C8orf34: variants seen among roughly 807,000 people sequenced by gnomAD.
C8orf34 encodes chromosome 8 open reading frame 34, also known as uncharacterized protein C8orf34.
A neutral mutation model predicts 68.3 loss-of-function variants in C8orf34; 65 were observed. That is an observed-to-expected ratio of 0.95 (90% CI 0.78 to 1.17). The LOEUF is 1.17. C8orf34 is among the 50% of genes most tolerant of loss of function. The pLI, the probability that C8orf34 is intolerant of heterozygous loss-of-function variation, is 0.00. For synonymous variants in C8orf34, 244 were observed against 241.2 expected, an observed-to-expected ratio of 1.01 and a Z score of -0.11; for missense variants, 664 against 655.4, an observed-to-expected ratio of 1.01 and a Z score of -0.14.
chr8:68,406,515 G>A (rs541795283), intron 1 of C8orf34, among the ~76,000 whole-genome samples: 2 of 151,962 alleles, frequency 1.3e-5, no homozygotes, highest in South Asian at 4.2e-4. Context: ...TATTGAGAGA[G>A]AGAGAGAGTC....
chr8:68,487,070 A>C (rs945752673), intron 4 of C8orf34, among the ~76,000 whole-genome samples: 1 of 152,208 alleles, frequency 6.6e-6, no homozygotes, highest in Non-Finnish European at 1.5e-5. Flanking sequence ...TTAGTCTGAC[A>C]AGTTGATAAT....
chr8:68,631,841 A>C (rs1452558266), intron 7 of C8orf34, among the ~76,000 whole-genome samples: 1 of 152,094 alleles, frequency 6.6e-6, no homozygotes, highest in Non-Finnish European at 1.5e-5. Context: ...ACCATCTGCC[A>C]TGATTGTAAG....
At chr8:68,360,177 T>C (rs1806923647) in intron 1 of C8orf34, among the ~76,000 whole-genome samples, 1 of 152,230 alleles carries the variant, frequency 6.6e-6, no homozygotes, top group Non-Finnish European at 1.5e-5. Context: ...ATCCTTCTAA[T>C]GAGTTCTGTG....
chr8:68,399,032 T>C (rs986526818), intron 1 of C8orf34, among the ~76,000 whole-genome samples: 6 of 152,144 alleles, frequency 3.9e-5, no homozygotes, highest in Admixed American at 1.3e-4. Flanking sequence ...CTTCATTTTG[T>C]ACTGAACCCA....
In C8orf34 at chr8:68,721,368, G is replaced by T. The variant is rs750302112; in HGVS notation, c.1335G>T (p.Leu445Phe). The T allele has an allele frequency of 4.4e-6, 7 of 1,604,058 alleles. No homozygotes were observed. The highest frequency in any genetic ancestry group is 6.0e-6 in the Non-Finnish European group (7 of 1,172,800). ...DEKIPDSFDS[L>F]PGTEEALMEE... ...TTTTAAAAATAAAAATAGATTCCTT[G>T]CCTGGGACTGAAGAAGCACTAATGG... is the stretch of plus-strand genomic sequence containing the variant. Residue 445 changes from leucine to phenylalanine, a missense_variant, in exon 10 of 14, where the codon TTG (leucine) becomes TTT (phenylalanine). Physicochemically the swap from Leu to Phe is conservative, Grantham distance 22. Coordinates refer to ENST00000518698, the MANE Select transcript of C8orf34 (RefSeq NM_052958.4).
intron 8 of C8orf34, among the ~76,000 whole-genome samples, chr8:68,646,829 G>GTA (rs928330251): frequency 3.3e-5 from 5 of 152,078 alleles, no homozygotes; most frequent in African/African-American, 9.7e-5. Flanking sequence ...ATTCCATTGT[G>GTA]TATATATATA....
chr8:68,504,152 A>T (rs543486309), intron 5 of C8orf34, among the ~76,000 whole-genome samples: 2 of 152,262 alleles, frequency 1.3e-5, no homozygotes, highest in South Asian at 4.1e-4. Context: ...AAATTTTTCT[A>T]TTCTGGAAAT....
intron 8 of C8orf34, among the ~76,000 whole-genome samples, chr8:68,651,109 GA>G (rs1819345274): frequency 6.6e-6 from 1 of 152,074 alleles, no homozygotes; most frequent in African/African-American, 2.4e-5. Flanking sequence ...CTTGATTATC[GA>G]GAGGCGGATT....
At chr8:68,658,387 G>C (rs1819572289) in intron 8 of C8orf34, among the ~76,000 whole-genome samples, 1 of 152,010 alleles carries the variant, frequency 6.6e-6, no homozygotes, top group Non-Finnish European at 1.5e-5. Context: ...ATTGTTGCTG[G>C]TGGATTCCCA....
intron 7 of C8orf34, among the ~76,000 whole-genome samples, chr8:68,575,446 A>C (rs1040239341): frequency 6.6e-6 from 1 of 152,128 alleles, no homozygotes; most frequent in African/African-American, 2.4e-5. Context: ...TATTTGTGTT[A>C]CATTACTGCC....
intron 7 of C8orf34, among the ~76,000 whole-genome samples, chr8:68,578,425 G>A (rs1057413304): frequency 4.6e-5 from 7 of 151,910 alleles, no homozygotes; most frequent in African/African-American, 1.7e-4. Context: ...TACTACAAAT[G>A]TGTTCCTCTG....
At chr8:68,606,085 C>A (rs981955218) in intron 7 of C8orf34, among the ~76,000 whole-genome samples, 1 of 152,020 alleles carries the variant, frequency 6.6e-6, no homozygotes, top group East Asian at 1.9e-4. Context: ...AGGGATAAAG[C>A]AAAATTGTTA....
Position 68,818,391 on chromosome 8 carries a change from C to A in C8orf34, c.*145C>A. On this transcript the variant is annotated 3_prime_UTR_variant, in exon 14 of 14. Transcript: ENST00000518698. ...CAATAATAAACAAGTACTATCGTAGCCAGGGGGTGCCCAAGTATGTAATCA... is the reference window on the plus strand; with the variant it reads ...CAATAATAAACAAGTACTATCGTAGACAGGGGGTGCCCAAGTATGTAATCA... 1.1e-6 allele frequency: 1 copy of A among 881,558 alleles called. No homozygotes were observed. 54.6% of individuals were successfully genotyped at this position (881,558 alleles called of 1,614,324 possible).
chr8:68,783,476 C>T (rs1211665466), intron 11 of C8orf34, among the ~76,000 whole-genome samples: 1 of 93,472 alleles, frequency 1.1e-5, no homozygotes, highest in East Asian at 2.4e-4. Flanking sequence ...CAAGATGGTG[C>T]CATTGCAATT....
At chr8:68,509,165 G>A (rs903171265) in intron 5 of C8orf34, among the ~76,000 whole-genome samples, 1 of 152,158 alleles carries the variant, frequency 6.6e-6, no homozygotes, top group South Asian at 2.1e-4. Flanking sequence ...GCTGACAGGG[G>A]GCACTGTGTT....
At chr8:68,364,878 C>A (rs966148091) in intron 1 of C8orf34, among the ~76,000 whole-genome samples, 7 of 152,050 alleles carry the variant, frequency 4.6e-5, no homozygotes, top group Admixed American at 3.3e-4. Flanking sequence ...AGGCAGAAGG[C>A]AAGAAATAAC....
chr8:68,700,457 G>T (rs1157069175), intron 8 of C8orf34, among the ~76,000 whole-genome samples: 2 of 152,144 alleles, frequency 1.3e-5, no homozygotes, highest in African/African-American at 4.8e-5. Context: ...ACTTGGGGAG[G>T]ATAGAGGCAA....
chr8:68,528,763 C>G (rs190047089), intron 6 of C8orf34, among the ~76,000 whole-genome samples: 2,577 of 152,304 alleles, frequency 0.017, 81 homozygotes, highest in African/African-American at 0.057. Context: ...TGCTCTCCCC[C>G]AATCTCCAAA....
intron 6 of C8orf34, among the ~76,000 whole-genome samples, chr8:68,532,730 A>C (rs572694920): frequency 1.3e-5 from 2 of 152,324 alleles, no homozygotes; most frequent in African/African-American, 4.8e-5. Flanking sequence ...TTTAATTTCC[A>C]CATGGCAACA....
Sources: allele counts gnomAD v4.1 joint callset (sites outside exome capture counted in the v4.1 genomes callset), GRCh38; gene constraint gnomAD v4.1.1; transcripts MANE v1.5; gene names NCBI Gene and HGNC (gene_info 2026-07-23, HGNC 2026-07-21).